The following TOX2 variants were observed in gnomAD, a reference collection of about 807,000 sequenced individuals.
The protein encoded by TOX2 is TOX high mobility group box family member 2, also known as granulosa cell HMG box 1.
TOX2 carries 15 observed loss-of-function variants against 47.4 expected under a neutral mutation model. The ratio of observed to expected loss-of-function variants is 0.32; its 90% CI spans 0.21 to 0.49. The LOEUF is 0.49. Ranked by LOEUF, TOX2 falls within the 20% of genes least tolerant of loss-of-function variation. TOX2 has a pLI of 0.99. For missense variants in TOX2, 622 were observed against 673.1 expected (o/e 0.92, Z 0.84); for synonymous variants, 290 against 296.6 (o/e 0.98, Z 0.23).
intron 3 of TOX2, among the ~76,000 whole-genome samples, chr20:44,024,178 A>G (rs1307602772): frequency 6.6e-6 from 1 of 152,208 alleles, no homozygotes; most frequent in Non-Finnish European, 1.5e-5. Flanking sequence ...ATGGAGTTGT[A>G]TATAGTATTA....
intron 1 of TOX2, among the ~76,000 whole-genome samples, chr20:43,920,566 A>G (rs1339948182): frequency 4.6e-5 from 7 of 152,020 alleles, no homozygotes. Flanking sequence ...CCATCTAAAC[A>G]TGCTCCCTAT....
rs749967359 is a variant in TOX2, at chr20:44,051,377, G to A, written c.483G>A (p.Pro161=). The stretch of plus-strand genomic sequence containing the variant: ...GGCCCGGGCCCCTGCTGGGTCGCCC[G>A]GCAATGCTGGCCAGCCACATGAGTG... The part of the protein sequence containing the change: ...SGRPGPLLGR[P]AMLASHMSAL... The change falls in exon 4 of 9, where the codon CCG becomes CCA. Residue 161 remains proline (P), a synonymous_variant. Transcript: ENST00000341197. 1.1e-5 allele frequency: 18 copies of A among 1,613,840 alleles called. No individual in the cohort carries two copies. Among genetic ancestry groups the A allele is most frequent in the Middle Eastern group, 1.6e-4 (1 of 6,080 alleles).
At chr20:43,974,148 T>C (rs1049210355) in intron 2 of TOX2, among the ~76,000 whole-genome samples, 3 of 151,418 alleles carry the variant, frequency 2.0e-5, no homozygotes, top group African/African-American at 7.3e-5. Flanking sequence ...CAGAATGTGA[T>C]GCCAGGGTGG....
chr20:44,030,360 C>G (rs145127525), intron 3 of TOX2, among the ~76,000 whole-genome samples: 21 of 152,342 alleles, frequency 1.4e-4, no homozygotes, highest in Non-Finnish European at 2.5e-4. Flanking sequence ...TTGCCACCTA[C>G]TCTTAGCAGC....
At chr20:44,004,432 G>A (rs2145594073) in intron 2 of TOX2, among the ~76,000 whole-genome samples, 2 of 152,232 alleles carry the variant, frequency 1.3e-5, no homozygotes, top group South Asian at 4.1e-4. Context: ...GAAGCAGGAA[G>A]GTGGACATGG....
intron 3 of TOX2, among the ~76,000 whole-genome samples, chr20:44,044,263 A>G (rs1388874601): frequency 1.3e-5 from 2 of 152,022 alleles, no homozygotes; most frequent in Non-Finnish European, 2.9e-5. Context: ...AACATCACAC[A>G]CTGGGGCCTG....
At chr20:44,043,342 A>G (rs528454256) in intron 3 of TOX2, among the ~76,000 whole-genome samples, 1 of 152,342 alleles carries the variant, frequency 6.6e-6, no homozygotes, top group African/African-American at 2.4e-5. Context: ...GAAGAAATAA[A>G]TATTGCAGGT....
Position 44,066,852 on chromosome 20 carries a change from C to A in TOX2, c.1479C>A (p.Thr493=), listed in dbSNP as rs1202332959. ...CCAGTGGGGAGTGTGGCATCAGCAC[C>A]TGCAGGTTAGTCCTCGCCCGTCCCT... ...SYPSGECGIS[T]CSLLPRDKSL... Residue 493 remains threonine (T), a synonymous_variant, in exon 8 of 9, where the codon ACC becomes ACA. Coordinates refer to ENST00000341197, the MANE Select transcript of TOX2 (RefSeq NM_001098797.2). The A allele has an allele frequency of 1.2e-6, 2 of 1,613,628 alleles. No individual in the cohort carries two copies. Among genetic ancestry groups the A allele is most frequent in the Admixed American group, 3.3e-5 (2 of 59,996 alleles).
intron 2 of TOX2, among the ~76,000 whole-genome samples, chr20:43,999,101 G>A (rs181148834): frequency 5.3e-5 from 8 of 152,064 alleles, no homozygotes; most frequent in African/African-American, 9.6e-5. Flanking sequence ...TTTATTTTAG[G>A]CATGTCTATT....
Position 44,006,688 on chromosome 20 carries a change from G to C in TOX2, c.307G>C (p.Gly103Arg), listed in dbSNP as rs368247726. Residue 103 changes from glycine to arginine, a missense_variant, in exon 3 of 9, where the codon GGT (glycine) becomes CGT (arginine). Physicochemically the swap from Gly to Arg is moderately radical, Grantham distance 125. Coordinates refer to ENST00000341197, the MANE Select transcript of TOX2 (RefSeq NM_001098797.2). ...HSLCHGLTPN[G>R]LLPAYSYQAM... is the part of the protein sequence containing the mutation. ...GCTGTGCCACGGCCTCACCCCCAAC[G>C]GTCTGCTCCCTGCCTACTCCTATCA... 6 of 1,614,104 alleles carry C rather than the reference G, an allele frequency of 3.7e-6. No individual in the cohort carries two copies. The Admixed American group carries it at 1.0e-4, about 27-fold the overall frequency.
At chr20:44,057,449 A>G (rs112711347) in intron 5 of TOX2, among the ~76,000 whole-genome samples, 1 of 152,106 alleles carries the variant, frequency 6.6e-6, no homozygotes, top group Non-Finnish European at 1.5e-5. Flanking sequence ...CTATTTTACT[A>G]TTAATACACT....
chr20:43,926,863 G>A (rs899091194), intron 1 of TOX2, among the ~76,000 whole-genome samples: 5 of 152,206 alleles, frequency 3.3e-5, no homozygotes, highest in Non-Finnish European at 7.3e-5. Flanking sequence ...GTTCTCTTCT[G>A]CACAAGTAAT....
chr20:43,962,968 A>G (rs568384649), intron 1 of TOX2, among the ~76,000 whole-genome samples: 2 of 152,198 alleles, frequency 1.3e-5, no homozygotes, highest in Non-Finnish European at 2.9e-5. Context: ...AAATATTGAC[A>G]AGGTATTTTG....
intron 1 of TOX2, among the ~76,000 whole-genome samples, chr20:43,969,834 C>T (rs2069931513): frequency 6.6e-6 from 1 of 152,210 alleles, no homozygotes; most frequent in Admixed American, 6.5e-5. Context: ...TTTACTACAG[C>T]ACGTGGCAGC....
intron 1 of TOX2, among the ~76,000 whole-genome samples, chr20:43,917,622 ATCCCCTTGGCGACTG>A: frequency 6.6e-6 from 1 of 152,208 alleles, no homozygotes; most frequent in South Asian, 2.1e-4. Context: ...CTTGGCGACC[ATCCCCTTGGCGACTG>A]TCCCCTTAGC....
At chr20:43,994,244 C>T (rs935418556) in intron 2 of TOX2, among the ~76,000 whole-genome samples, 12 of 151,780 alleles carry the variant, frequency 7.9e-5, no homozygotes, top group Admixed American at 3.3e-4. Flanking sequence ...GTGGGTAGAT[C>T]GCTTGAGCTC....
intron 3 of TOX2, among the ~76,000 whole-genome samples, chr20:44,008,468 G>A (rs760577877): frequency 2.0e-5 from 3 of 152,086 alleles, no homozygotes; most frequent in African/African-American, 4.8e-5. Flanking sequence ...GTTGAGGCAC[G>A]AGAATTGCTT....
At chr20:43,923,897 C>T (rs553480986) in intron 1 of TOX2, among the ~76,000 whole-genome samples, 16 of 152,220 alleles carry the variant, frequency 1.1e-4, no homozygotes, top group East Asian at 1.9e-4. Context: ...TTCTGAAGAA[C>T]GCCATCCCAC....
At chr20:44,021,993 T>C (rs975013714) in intron 3 of TOX2, among the ~76,000 whole-genome samples, 9 of 152,008 alleles carry the variant, frequency 5.9e-5, no homozygotes, top group African/African-American at 2.2e-4. Flanking sequence ...CACTGCAAAA[T>C]GAATTCCAGA....
Sources: gnomAD v4.1 joint callset for allele counts (sites outside exome capture counted in the v4.1 genomes callset) on GRCh38, gnomAD v4.1.1 for gene constraint, MANE v1.5 for transcripts, NCBI Gene and HGNC (gene_info 2026-07-23, HGNC 2026-07-21) for gene names.